The following ANKS3 variants were observed in gnomAD, a reference collection of about 807,000 sequenced individuals.
The protein encoded by ANKS3 is ankyrin repeat and SAM domain-containing protein 3.
A neutral mutation model predicts 80.7 loss-of-function variants in ANKS3; 62 were observed. The observed-to-expected ratio is 0.77, with a 90% CI of 0.63 to 0.95. The LOEUF is 0.95. Among genes scored for constraint, ANKS3 ranks in the 40% least tolerant of loss-of-function variants. The pLI, the probability that ANKS3 is intolerant of heterozygous loss-of-function variation, is 0.00. For missense variants in ANKS3, 1,150 were observed against 883.6 expected, an observed-to-expected ratio of 1.30 and a Z score of -3.82; for synonymous variants, 489 against 355.3, an observed-to-expected ratio of 1.38 and a Z score of -4.23.
chr16:4,716,925 T>C (rs1296610240), intron 6 of ANKS3, among the ~76,000 whole-genome samples: 4 of 150,858 alleles, frequency 2.7e-5, no homozygotes, highest in African/African-American at 9.8e-5. Context: ...AAAAAAATAA[T>C]AATAAATAAT....
Position 4,699,221 on chromosome 16 carries a change from C to A in ANKS3, c.1285-45G>T, listed in dbSNP as rs756180751. 2.5e-6 allele frequency: 4 copies of A among 1,604,444 alleles called. No homozygotes were observed. In the South Asian group the frequency reaches 3.3e-5, roughly 13 times the overall value. ...GGTTGGGGGAGGTAGTGGCTGACGA[C>A]GAAGCAGAGACGTTTTCCTCCACTC... is the stretch of plus-strand genomic sequence containing the variant. On this transcript the variant is annotated intron_variant, in intron 11 of 17. Transcript: ENST00000304283.
chr16:4,722,867 G>A (rs1447803764), intron 6 of ANKS3, among the ~76,000 whole-genome samples: 4 of 150,280 alleles, frequency 2.7e-5, no homozygotes, highest in Non-Finnish European at 5.9e-5. Context: ...GCAGTGAGCC[G>A]AGATCACGCC....
At chr16:4,718,572 C>G (rs148615115) in intron 6 of ANKS3, among the ~76,000 whole-genome samples, 1 of 152,232 alleles carries the variant, frequency 6.6e-6, no homozygotes, top group African/African-American at 2.4e-5. Context: ...TGGAGCCCAG[C>G]TCTGGAGGGA....
chr16:4,698,200 G>C, intron 14 of ANKS3, 138 bp from the exon 15 acceptor site: 1 of 1,155,896 alleles, frequency 8.7e-7, no homozygotes, highest in East Asian at 2.6e-5. Context: ...AGTGCCCCAT[G>C]AGGCTGCACT....
chr16:4,716,463 C>G (rs926101692), intron 6 of ANKS3, among the ~76,000 whole-genome samples: 1 of 151,990 alleles, frequency 6.6e-6, no homozygotes, highest in Non-Finnish European at 1.5e-5. Context: ...AACCTTGACC[C>G]CCATATGTAG....
chr16:4,719,343 A>G (rs2080965582), intron 6 of ANKS3, among the ~76,000 whole-genome samples: 1 of 152,196 alleles, frequency 6.6e-6, no homozygotes, highest in Non-Finnish European at 1.5e-5. Context: ...AAAAAGAAAC[A>G]AACATACAAT....
At chr16:4,701,238 C>A in intron 10 of ANKS3, 104 bp from the exon 11 acceptor site, 1 of 1,537,082 alleles carries the variant, frequency 6.5e-7, no homozygotes, top group East Asian at 2.3e-5. Context: ...CGTGAAACCC[C>A]CCACCCGCCA....
chr16:4,713,095 C>A (rs1034584960), intron 7 of ANKS3, among the ~76,000 whole-genome samples: 7 of 152,006 alleles, frequency 4.6e-5, no homozygotes, highest in Non-Finnish European at 1.5e-5. Flanking sequence ...CATGGAGAAA[C>A]CCCATCTCTA....
intron 13 of ANKS3, 33 bp downstream of exon 13, chr16:4,698,767 C>T (rs1295015304): frequency 1.9e-6 from 3 of 1,571,678 alleles, no homozygotes; most frequent in African/African-American, 1.3e-5. Flanking sequence ...ACGGGTGTCA[C>T]CCTGCCCCCC....
In ANKS3 at chr16:4,702,189, G is replaced by C; in HGVS notation, c.922C>G (p.Leu308Val). 6.3e-7 allele frequency: 1 copy of C among 1,594,542 alleles called. No individual in the cohort carries two copies. The highest frequency in any genetic ancestry group is 1.7e-5 in the Admixed American group (1 of 57,252). The change falls in exon 9 of 18, where the codon CTG becomes GTG. Residue 308 changes from leucine to valine, a missense_variant. By Grantham distance (32) the Leu-to-Val change is conservative. Transcript: ENST00000304283. Reference sequence around the variant, plus strand: ...CGGCAGCAGAGGCCCTCTTCTTCCAGGGGGTTCTCGCCACTGCTGTTGAAG... The same window carrying C: ...CGGCAGCAGAGGCCCTCTTCTTCCACGGGGTTCTCGCCACTGCTGTTGAAG... Reference protein sequence around the residue: ...VTFNSSGENPLEEEGLCCRDV... With the variant: ...VTFNSSGENPVEEEGLCCRDV...
Position 4,730,000 on chromosome 16 carries a change from C to A in ANKS3, c.150G>T (p.Val50=). The change falls in exon 3 of 18, where the codon GTG becomes GTT. Residue 50 remains valine, a synonymous_variant. Transcript: ENST00000304283. ...CTTACCGCTGCACACACTCCTTCACCACTTCATACTGGCCAATGGAAGCAG... is the reference window on the plus strand; with the variant it reads ...CTTACCGCTGCACACACTCCTTCACAACTTCATACTGGCCAATGGAAGCAG... ...HTAASIGQYE[V]VKECVQRREL... 2 of 1,537,450 alleles carry A rather than the reference C, an allele frequency of 1.3e-6. No homozygotes were observed. The highest frequency in any genetic ancestry group is 2.5e-5 in the South Asian group (2 of 81,084).
chr16:4,699,701 CG>C (rs1354853397), intron 11 of ANKS3: 3 of 161,228 alleles, frequency 1.9e-5, no homozygotes, highest in Non-Finnish European at 2.7e-5. Flanking sequence ...GGGGTGGTGT[CG>C]GTGTGCTTGA....
intron 3 of ANKS3, chr16:4,727,405 T>C: frequency 1.7e-6 from 1 of 590,996 alleles, no homozygotes; most frequent in East Asian, 2.9e-5. Flanking sequence ...TGATTTCGCA[T>C]CCTCCTAGCC....
intron 16 of ANKS3, 112 bp downstream of exon 16, chr16:4,697,221 C>G: frequency 3.2e-6 from 5 of 1,548,616 alleles, no homozygotes; most frequent in Non-Finnish European, 4.4e-6. Flanking sequence ...GCCCCAGCCC[C>G]GAGGTCAGCC....
chr16:4,720,894 G>A (rs926422210), intron 6 of ANKS3, among the ~76,000 whole-genome samples: 4 of 149,464 alleles, frequency 2.7e-5, no homozygotes, highest in East Asian at 2.0e-4. Context: ...CCGAGATTGC[G>A]CCACTGCACT....
intron 3 of ANKS3, chr16:4,727,421 C>G (rs1336540417): frequency 1.8e-6 from 1 of 568,972 alleles, no homozygotes; most frequent in African/African-American, 1.9e-5. Flanking sequence ...TAGCCCAAGG[C>G]CAGCTATGCT....
chr16:4,709,272 G>A (rs1012082248), intron 7 of ANKS3, among the ~76,000 whole-genome samples: 1 of 151,802 alleles, frequency 6.6e-6, no homozygotes, highest in Non-Finnish European at 1.5e-5. Context: ...CAGACGTGGT[G>A]GCACATGCCT....
chr16:4,710,369 T>C (rs2080419583), intron 7 of ANKS3, among the ~76,000 whole-genome samples: 1 of 152,246 alleles, frequency 6.6e-6, no homozygotes, highest in South Asian at 2.1e-4. Flanking sequence ...TCACACACTG[T>C]ACCCCATAAA....
intron 7 of ANKS3, among the ~76,000 whole-genome samples, chr16:4,708,312 T>G (rs772070733): frequency 6.6e-6 from 1 of 152,004 alleles, no homozygotes; most frequent in Non-Finnish European, 1.5e-5. Context: ...AATACTTCTA[T>G]TAGACAACTC....
Sources: gnomAD v4.1 joint callset for allele counts (sites outside exome capture counted in the v4.1 genomes callset) on GRCh38, gnomAD v4.1.1 for gene constraint, MANE v1.5 for transcripts, NCBI Gene and HGNC (gene_info 2026-07-23, HGNC 2026-07-21) for gene names.